Variants in DMD observed in about 807,000 individuals in gnomAD.
DMD encodes the protein mutant dystrophin.
Under a neutral mutation model 330.1 loss-of-function variants are expected in DMD, and 63 were observed. The observed-to-expected ratio is 0.19, with a 90% CI of 0.16 to 0.24. DMD has a LOEUF of 0.24. Among genes scored for constraint, DMD ranks in the 10% least tolerant of loss-of-function variants. DMD has a pLI of 1.00. For missense variants in DMD, 3,344 were observed against 2,684.1 expected (o/e 1.25, Z -5.43); for synonymous variants, 1,223 against 959.8 (o/e 1.27, Z -5.07).
In DMD at chrX:32,310,098, T is replaced by A. The variant is rs144754029; in HGVS notation, c.6101A>T (p.Gln2034Leu). Reference protein sequence around the residue: ...CAKDFEDLFKQEESLKNIKDS... With the variant: ...CAKDFEDLFKLEESLKNIKDS... ...TGGTTTTACCTTCAGAGACTCCTCT[T>A]GCTTAAAGAGATCTTCAAAGTCCTT... is the stretch of plus-strand genomic sequence containing the variant. Residue 2034 changes from glutamine to leucine, a missense_variant, in exon 42 of 79, where the codon CAA (glutamine) becomes CTA (leucine). Gln to Leu is a moderately radical substitution (Grantham distance 113). Transcript: ENST00000357033. 7 of 1,207,192 alleles carry A rather than the reference T, an allele frequency of 5.8e-6. No homozygotes were observed. The African/African-American group carries it at 8.8e-5, about 15-fold the overall frequency.
chrX:32,883,660 T>TA (rs1288310723), intron 2 of DMD, among the ~76,000 whole-genome samples: 18 of 107,090 alleles, frequency 1.7e-4, no homozygotes, highest in African/African-American at 5.1e-4. Flanking sequence ...CCGTCTCTAC[T>TA]AAAAATACAA....
chrX:32,613,262 A>C (rs1410636274), intron 12 of DMD, among the ~76,000 whole-genome samples: 2 of 111,288 alleles, frequency 1.8e-5, no homozygotes, highest in African/African-American at 6.5e-5. Context: ...GGCAACCCTA[A>C]TCCTGGGACA....
At chrX:33,130,536 A>G (rs2095492634) in intron 1 of DMD, among the ~76,000 whole-genome samples, 1 of 107,262 alleles carries the variant, frequency 9.3e-6, no homozygotes, top group Non-Finnish European at 1.9e-5. Flanking sequence ...ACTCTCTTCT[A>G]GTAGGGACTA....
rs1269996314 is a variant in DMD, at chrX:32,287,649, C to A, written c.6170G>T (p.Ser2057Ile). 1 of 1,208,159 alleles carries A rather than the reference C, an allele frequency of 8.3e-7. No homozygotes were observed. Among genetic ancestry groups the A allele is most frequent in the Non-Finnish European group, 1.1e-6 (1 of 894,166 alleles). Residue 2057 changes from serine to isoleucine, a missense_variant, in exon 43 of 79, where the codon AGC becomes ATC. By Grantham distance (142) the Ser-to-Ile change is moderately radical (BLOSUM62 -2). Coordinates refer to ENST00000357033, the MANE Select transcript of DMD (RefSeq NM_004006.3). ...ACTTTGCAATGCTGCTGTCTTCTTG[C>A]TATGAATAATGTCAATCCGACCTGA... ...QSSGRIDIIH[S>I]KKTAALQSAT...
At chrX:33,076,740 A>G (rs2094847603) in intron 1 of DMD, among the ~76,000 whole-genome samples, 2 of 112,134 alleles carry the variant, frequency 1.8e-5, no homozygotes, top group Admixed American at 1.9e-4. Flanking sequence ...TTACTAGGTC[A>G]AAACTGTGAC....
At chrX:32,767,870 C>G (rs1419456517) in intron 7 of DMD, among the ~76,000 whole-genome samples, 1 of 111,670 alleles carries the variant, frequency 9.0e-6, no homozygotes, top group African/African-American at 3.3e-5. Flanking sequence ...ACACACCCTA[C>G]TATGTGTCTG....
At chrX:33,070,358 A>G (rs2094726905) in intron 1 of DMD, among the ~76,000 whole-genome samples, 1 of 110,467 alleles carries the variant, frequency 9.1e-6, no homozygotes, top group Non-Finnish European at 1.9e-5. Flanking sequence ...CCCCTCTGGC[A>G]TTCCCAGCAC....
At chrX:32,033,364 T>C (rs1008343488) in intron 44 of DMD, among the ~76,000 whole-genome samples, 1 of 110,480 alleles carries the variant, frequency 9.1e-6, no homozygotes, top group African/African-American at 3.3e-5. Flanking sequence ...TTTATTAAGA[T>C]GATAGATCTC....
chrX:32,854,584 A>AG lies in DMD; in HGVS notation c.94-4765_94-4764insC, dbSNP rs1462636392. On this transcript the variant is annotated intron_variant, in intron 2 of 78. Coordinates refer to ENST00000357033, the MANE Select transcript of DMD (RefSeq NM_004006.3). The stretch of plus-strand genomic sequence containing the variant: ...AAGCACTTGTATCAAAAAAAAAAAA[A>AG]AAAGAGAAACAATACATCTTAAAGA... Among the ~76,000 whole-genome samples, 52 of 101,280 alleles carry AG rather than the reference A, an allele frequency of 5.1e-4. 1 individual carries two copies. Among genetic ancestry groups the AG allele is most frequent in the African/African-American group, 1.6e-3 (39 of 24,342 alleles). 87.9% of individuals were successfully genotyped at this position (101,280 alleles called of 115,157 possible).
intron 55 of DMD, among the ~76,000 whole-genome samples, chrX:31,560,220 A>G (rs1459015814): frequency 2.7e-5 from 3 of 111,785 alleles, no homozygotes; most frequent in Non-Finnish European, 5.6e-5. Flanking sequence ...GCAGATTCTG[A>G]TTCAACAGTT....
At chrX:31,636,084 A>T (rs778369224) in intron 54 of DMD, among the ~76,000 whole-genome samples, 1 of 112,059 alleles carries the variant, frequency 8.9e-6, no homozygotes, top group East Asian at 2.8e-4. Context: ...TAGCAAACTA[A>T]TGCAGGAACA....
At chrX:31,768,361 C>T (rs762168017) in intron 51 of DMD, among the ~76,000 whole-genome samples, 2 of 110,156 alleles carry the variant, frequency 1.8e-5, no homozygotes, top group East Asian at 5.7e-4. Context: ...TTCCTCCTTT[C>T]CTCACTCCTC....
At chrX:32,383,609 T>C in intron 33 of DMD, among the ~76,000 whole-genome samples, 2 of 110,783 alleles carry the variant, frequency 1.8e-5, no homozygotes, top group African/African-American at 6.5e-5. Flanking sequence ...AAAATAAATG[T>C]TTGGCCTATG....
At chrX:31,354,890 G>A (rs2058592806) in intron 60 of DMD, among the ~76,000 whole-genome samples, 1 of 111,734 alleles carries the variant, frequency 8.9e-6, no homozygotes, top group African/African-American at 3.2e-5. Context: ...AGATAAGTAT[G>A]AATACGGTAG....
At chrX:33,066,920 C>T (rs750676375) in intron 1 of DMD, among the ~76,000 whole-genome samples, 8 of 111,838 alleles carry the variant, frequency 7.2e-5, no homozygotes, top group African/African-American at 2.6e-4. Flanking sequence ...ATTGACAATA[C>T]AACATGAAAA....
At chrX:31,461,625 C>T (rs748206519) in intron 59 of DMD, among the ~76,000 whole-genome samples, 2 of 111,620 alleles carry the variant, frequency 1.8e-5, no homozygotes, top group African/African-American at 6.5e-5. Context: ...CTCTTCTCTT[C>T]CATCACTAAT....
intron 48 of DMD, among the ~76,000 whole-genome samples, chrX:31,862,868 G>A (rs111931225): frequency 6.7e-4 from 76 of 112,656 alleles, no homozygotes; most frequent in Non-Finnish European, 1.2e-3. Context: ...AGCAGGAAGA[G>A]AGCCGGCCAG....
intron 7 of DMD, among the ~76,000 whole-genome samples, chrX:32,721,888 T>C (rs1313233041): frequency 1.8e-5 from 2 of 109,142 alleles, no homozygotes; most frequent in African/African-American, 6.7e-5. Context: ...AAGGGTACAA[T>C]TTACAACACC....
chrX:32,811,790 G>T (rs926770266), intron 6 of DMD, among the ~76,000 whole-genome samples: 2 of 111,760 alleles, frequency 1.8e-5, no homozygotes, highest in Non-Finnish European at 3.8e-5. Context: ...AATCTGAAGC[G>T]GTCAAGAAAG....
Sources: gnomAD v4.1 joint callset for allele counts (sites outside exome capture counted in the v4.1 genomes callset) on GRCh38, gnomAD v4.1.1 for gene constraint, MANE v1.5 for transcripts, NCBI Gene and HGNC (gene_info 2026-07-23, HGNC 2026-07-21) for gene names.